DOCK6: variants seen among roughly 807,000 people sequenced by gnomAD.
DOCK6 encodes dedicator of cytokinesis protein 6.
Under a neutral mutation model 230.3 loss-of-function variants are expected in DOCK6, and 167 were observed. The ratio of observed to expected loss-of-function variants is 0.73; its 90% CI spans 0.64 to 0.82. DOCK6 has a LOEUF of 0.82. DOCK6 is among the 40% of genes least tolerant of loss of function. The pLI, the probability that DOCK6 is intolerant of heterozygous loss-of-function variation, is 0.00. For missense variants in DOCK6, 2,598 were observed against 2,825.8 expected (o/e 0.92, Z 1.83); for synonymous variants, 1,148 against 1,185.0 (o/e 0.97, Z 0.64).
At chr19:11,244,055 T>C (rs974230427) in intron 9 of DOCK6, among the ~76,000 whole-genome samples, 173 bp from the exon 10 acceptor site, 1 of 152,238 alleles carries the variant, frequency 6.6e-6, no homozygotes, top group Non-Finnish European at 1.5e-5. Context: ...AGGGTTAGTG[T>C]TGGCCTGCCT....
chr19:11,236,965 C>T lies in DOCK6; in HGVS notation c.2074-86G>A. ...AGCGGCCCCAGCCATTGCGACACTG[C>T]AGCGTGAGTGTAGCCCGGTCTGGGG... On this transcript the variant is annotated intron_variant, in intron 18 of 47. Transcript: ENST00000294618. This position sits in a 1 kb window ranked among gnomAD's most constrained non-coding sequence, Gnocchi z 5.2. 7.3e-7 allele frequency: 1 copy of T among 1,371,742 alleles called. No homozygotes were observed. Among genetic ancestry groups the T allele is most frequent in the Non-Finnish European group, 9.9e-7 (1 of 1,007,902 alleles). The allele number at this position is 1,371,742 out of a possible 1,614,324, so 85.0% of individuals were successfully genotyped here.
At position 11,260,885 on chromosome 19, in the gene DOCK6, A is replaced by AAAAAAAAAAGAAAAAAG. The variant is rs762454829; in HGVS notation, c.44+1511_44+1512insCTTTTTTCTTTTTTTTT. 9.3e-4 allele frequency among the ~76,000 whole-genome samples: 118 copies of AAAAAAAAAAGAAAAAAG among 127,300 alleles called. 5 individuals are homozygous for AAAAAAAAAAGAAAAAAG. Among genetic ancestry groups the AAAAAAAAAAGAAAAAAG allele is most frequent in the African/African-American group, 3.4e-3 (113 of 33,512 alleles). 83.5% of individuals were successfully genotyped at this position (127,300 alleles called of 152,430 possible). A position where few individuals can be genotyped will look rare whatever the true frequency, so the allele number is the denominator to read the frequency against. The stretch of plus-strand genomic sequence containing the variant: ...GTGACAGAGCGAGACTCTGTCTCAA[A>AAAAAAAAAAGAAAAAAG]AAAAAAAAAAGAAAGAAAGAAAGAA... On this transcript the variant is annotated intron_variant, in intron 1 of 47. Transcript: ENST00000294618.
At chr19:11,242,964 C>G (rs2147850797) in intron 13 of DOCK6, 95 bp downstream of exon 13, 1 of 1,437,492 alleles carries the variant, frequency 7.0e-7, no homozygotes, top group African/African-American at 1.4e-5. Flanking sequence ...ATCGTTGGGT[C>G]TCTGATGCCC....
In DOCK6 at chr19:11,200,603, G is replaced by T. The variant is rs2079152907; in HGVS notation, c.5939+113C>A. The T allele has an allele frequency of 6.7e-7, 1 of 1,495,548 alleles. No homozygotes were observed. Among genetic ancestry groups the T allele is most frequent in the Non-Finnish European group, 9.0e-7 (1 of 1,108,292 alleles). 92.6% of individuals were successfully genotyped at this position (1,495,548 alleles called of 1,614,324 possible). On this transcript the variant is annotated intron_variant, in intron 46 of 47. Coordinates refer to ENST00000294618, the MANE Select transcript of DOCK6 (RefSeq NM_020812.4). This position sits in a 1 kb window ranked among gnomAD's most constrained non-coding sequence, Gnocchi z 4.3. ...AATAGGAGGTCAGGTTGGGAGAGTG[G>T]ACTTAATGGGAATCGGGCAGATGGG...
At chr19:11,215,702 C>A in intron 31 of DOCK6, 99 bp downstream of exon 31, 1 of 1,580,844 alleles carries the variant, frequency 6.3e-7, no homozygotes, top group Admixed American at 1.7e-5. Context: ...AAAAGTGAGG[C>A]AGAAAGTAAG....
chr19:11,237,069 C>T lies in DOCK6; in HGVS notation c.2074-190G>A, dbSNP rs2079860682. 17 of 609,380 alleles carry T rather than the reference C, an allele frequency of 2.8e-5. 2 individuals are homozygous for T. Among genetic ancestry groups the T allele is most frequent in the Middle Eastern group, 4.3e-4 (1 of 2,328 alleles). 37.7% of individuals were successfully genotyped at this position (609,380 alleles called of 1,614,324 possible). A position where few individuals can be genotyped will look rare whatever the true frequency, so the allele number is the denominator to read the frequency against. On this transcript the variant is annotated intron_variant, in intron 18 of 47. Coordinates refer to ENST00000294618, the MANE Select transcript of DOCK6 (RefSeq NM_020812.4). The stretch of plus-strand genomic sequence containing the variant: ...ACTGGGCAGGCTGGAAATCCACATG[C>T]CAAGACGGGGGCAGAGAATGGAGAC...
Position 11,235,863 on chromosome 19 carries a change from T to C in DOCK6, c.2393-104A>G, listed in dbSNP as rs553626984. Reference sequence around the variant, plus strand: ...CAGGATTTGAGGGATCATGTGCTCATTAAGGGGTCACAAATTTTTTTTTTT... The same window carrying C: ...CAGGATTTGAGGGATCATGTGCTCACTAAGGGGTCACAAATTTTTTTTTTT... On this transcript the variant is annotated intron_variant, in intron 20 of 47. Transcript: ENST00000294618. The C allele has an allele frequency of 6.6e-5, 91 of 1,387,194 alleles. No homozygotes were observed. The African/African-American group carries it at 1.3e-3, about 20-fold the overall frequency. The allele number at this position is 1,387,194 out of a possible 1,614,324, so 85.9% of individuals were successfully genotyped here.
chr19:11,245,285 C>A (rs914646889), intron 9 of DOCK6, among the ~76,000 whole-genome samples: 5 of 152,142 alleles, frequency 3.3e-5, no homozygotes, highest in Non-Finnish European at 7.3e-5. Context: ...AGCATCTCAC[C>A]CACCTCCGAG....
intron 1 of DOCK6, among the ~76,000 whole-genome samples, chr19:11,260,504 C>G (rs904215315): frequency 6.6e-6 from 1 of 151,318 alleles, no homozygotes; most frequent in Admixed American, 6.6e-5. Flanking sequence ...CACTTGAGCC[C>G]GGGAGATTGA....
intron 30 of DOCK6, among the ~76,000 whole-genome samples, chr19:11,216,380 A>C (rs1362643676): frequency 6.6e-6 from 1 of 151,070 alleles, no homozygotes; most frequent in Non-Finnish European, 1.5e-5. Flanking sequence ...GAGCCACCGC[A>C]CCAGGCCCTG....
At position 11,222,134 on chromosome 19, in the gene DOCK6, G is replaced by A. The variant is rs1359938476; in HGVS notation, c.3355C>T (p.Leu1119=). Residue 1119 remains leucine (L), a synonymous_variant, in exon 27 of 48, where the codon CTG becomes TTG. Transcript: ENST00000294618. The surrounding 1 kb of genome is among the most constrained non-coding windows in gnomAD (Gnocchi z 4.0). ...CCTTCAGCCTCAGGTTCGAGGGCCA[G>A]TGCCAGCTCCGTCAGCAGGAGCCCA... ...LAGLLLTELA[L]ALEPEAEGAF... 30 of 1,613,060 alleles carry A rather than the reference G, an allele frequency of 1.9e-5. No individual in the cohort carries two copies. Among genetic ancestry groups the A allele is most frequent in the Non-Finnish European group, 2.4e-5 (28 of 1,179,624 alleles).
intron 24 of DOCK6, among the ~76,000 whole-genome samples, chr19:11,224,791 A>G (rs938953528): frequency 6.6e-6 from 1 of 151,990 alleles, no homozygotes; most frequent in South Asian, 2.1e-4. Context: ...CCGGCCAGGC[A>G]TGGTGGCTCC....
intron 35 of DOCK6, among the ~76,000 whole-genome samples, chr19:11,212,565 CTT>C (rs111849239): frequency 1.9e-4 from 6 of 31,464 alleles, no homozygotes; most frequent in Non-Finnish European, 6.4e-4. Context: ...TTCTTTCTTT[CTT>C]TTTTTTTTTT....
intron 39 of DOCK6, among the ~76,000 whole-genome samples, chr19:11,206,595 A>G (rs1283292922): frequency 2.6e-5 from 4 of 151,912 alleles, no homozygotes; most frequent in Non-Finnish European, 5.9e-5. Flanking sequence ...AAAGAGACTT[A>G]GGATACAGAT....
chr19:11,241,946 C>T, intron 14 of DOCK6, 99 bp downstream of exon 14: 3 of 1,440,934 alleles, frequency 2.1e-6, no homozygotes, highest in South Asian at 1.3e-5. Context: ...GCATCTCACC[C>T]AGGGTGTCTG....
At position 11,200,743 on chromosome 19, in the gene DOCK6, C is replaced by T. The variant is rs761608003; in HGVS notation, c.5912G>A (p.Arg1971Gln). The change falls in exon 46 of 48, where the codon CGG becomes CAG. Residue 1971 changes from arginine (R) to glutamine (Q), a missense_variant. Coordinates refer to ENST00000294618, the MANE Select transcript of DOCK6 (RefSeq NM_020812.4). This position sits in a 1 kb window ranked among gnomAD's most constrained non-coding sequence, Gnocchi z 4.3. ...PKLFRHHNKL[R>Q]LCFKDFCKKC... Reference sequence around the variant, plus strand: ...CTTGCAGAAGTCCTTGAAGCAGAGCCGCAATTTGTTGTGATGCCGGAAGAG... The same window carrying T: ...CTTGCAGAAGTCCTTGAAGCAGAGCTGCAATTTGTTGTGATGCCGGAAGAG... 21 of 1,613,476 alleles carry T rather than the reference C, an allele frequency of 1.3e-5. No individual in the cohort carries two copies. The highest frequency in any genetic ancestry group is 1.6e-4 in the Middle Eastern group (1 of 6,084).
intron 37 of DOCK6, among the ~76,000 whole-genome samples, chr19:11,209,998 CCTCACCTGCCCA>C (rs2079346301): frequency 6.9e-6 from 1 of 144,852 alleles, no homozygotes; most frequent in Non-Finnish European, 1.5e-5. Context: ...CCTGCCCATC[CCTCACCTGCCCA>C]CCTTCTCACC....
chr19:11,256,586 A>G (rs777701088), intron 1 of DOCK6, among the ~76,000 whole-genome samples: 3 of 152,218 alleles, frequency 2.0e-5, no homozygotes, highest in Admixed American at 6.5e-5. Context: ...TAAGTGCTCA[A>G]TTAGGGCTTG....
intron 28 of DOCK6, among the ~76,000 whole-genome samples, chr19:11,220,920 G>A (rs576397669): frequency 6.0e-4 from 90 of 150,766 alleles, no homozygotes; most frequent in African/African-American, 2.2e-3. Context: ...CGCCTCCCGT[G>A]TTCATGCCAT....
Sources: allele counts gnomAD v4.1 joint callset (sites outside exome capture counted in the v4.1 genomes callset), GRCh38; gene constraint gnomAD v4.1.1; non-coding constraint Gnocchi (gnomAD v3.1); transcripts MANE v1.5; gene names NCBI Gene and HGNC (gene_info 2026-07-23, HGNC 2026-07-21).